Variants in ZNF740 observed in about 807,000 individuals in gnomAD.
The protein encoded by ZNF740 is oriLyt TD-element-binding protein 7.
ZNF740 carries 14 observed loss-of-function variants against 24.8 expected under a neutral mutation model. The observed-to-expected ratio is 0.56, with a 90% CI of 0.37 to 0.88. ZNF740 has a LOEUF of 0.88. Among genes scored for constraint, ZNF740 ranks in the 40% least tolerant of loss-of-function variants. The probability of loss-of-function intolerance (pLI) is 0.00; values close to 1 mark genes in which losing one functional copy is unlikely to be tolerated. For missense variants in ZNF740, 201 were observed against 247.9 expected, an observed-to-expected ratio of 0.81 and a Z score of 1.27; for synonymous variants, 69 against 84.0, an observed-to-expected ratio of 0.82 and a Z score of 0.98.
intron 2 of ZNF740, among the ~76,000 whole-genome samples, chr12:53,184,148 T>TGCAC (rs1191495650): frequency 1.0e-5 from 1 of 100,296 alleles, no homozygotes; most frequent in Admixed American, 1.0e-4. Context: ...TGTGTGTGTG[T>TGCAC]GTGCGCGCGC....
chr12:53,193,677 C>A lies in ZNF740; in HGVS notation c.*6087C>A, dbSNP rs768372566. 6.4e-7 allele frequency: 1 copy of A among 1,574,066 alleles called. No individual in the cohort carries two copies. Among genetic ancestry groups the A allele is most frequent in the Non-Finnish European group, 8.6e-7 (1 of 1,156,540 alleles). On this transcript the variant is annotated 3_prime_UTR_variant, in exon 7 of 7. Coordinates refer to ENST00000416904, the MANE Select transcript of ZNF740 (RefSeq NM_001004304.4). ...CCAGGGTTGGTTGGTTGTTGGGAGCCAGGTGGTTGAAGGGAAGAGGAGGCC... is the reference window on the plus strand; with the variant it reads ...CCAGGGTTGGTTGGTTGTTGGGAGCAAGGTGGTTGAAGGGAAGAGGAGGCC...
At position 53,187,613 on chromosome 12, in the gene ZNF740, G is replaced by T; in HGVS notation, c.*23G>T. ...TAGGCGCAAGGGGCCCCGGGTGGTG[G>T]GAGTGATCAGAAGAACCTGCCGAAG... On this transcript the variant is annotated 3_prime_UTR_variant, in exon 7 of 7. Coordinates refer to ENST00000416904, the MANE Select transcript of ZNF740 (RefSeq NM_001004304.4). 6.2e-7 allele frequency: 1 copy of T among 1,600,536 alleles called. No individual in the cohort carries two copies. The highest frequency in any genetic ancestry group is 8.6e-7 in the Non-Finnish European group (1 of 1,167,924).
intron 6 of ZNF740, 23 bp downstream of exon 6, chr12:53,186,532 T>C (rs375998564): frequency 3.7e-5 from 57 of 1,524,412 alleles, no homozygotes; most frequent in Admixed American, 2.2e-4. Context: ...CCTGCTACAA[T>C]ACCCCACACA....
intron 1 of ZNF740, chr12:53,181,473 C>T: frequency 1.0e-6 from 1 of 985,390 alleles, no homozygotes; most frequent in African/African-American, 1.7e-5. Flanking sequence ...ATAGGAGGCC[C>T]CAATTACTTT....
In ZNF740 at chr12:53,191,822, A is replaced by C. The variant is rs774732750; in HGVS notation, c.*4232A>C. ...TCAGGGCTGGTCTTGTGGTGGGGGA[A>C]CAGCTAAAAAGGGGCCTAACCAGGA... On this transcript the variant is annotated 3_prime_UTR_variant, in exon 7 of 7. Coordinates refer to ENST00000416904, the MANE Select transcript of ZNF740 (RefSeq NM_001004304.4). 6.2e-7 allele frequency: 1 copy of C among 1,612,270 alleles called. No homozygotes were observed. Among genetic ancestry groups the C allele is most frequent in the South Asian group, 1.1e-5 (1 of 91,022 alleles).
chr12:53,193,166 T>G lies in ZNF740; in HGVS notation c.*5576T>G. ...TCCGCAGAGGATGCCCTCATGTCGC[T>G]CACAGCTGGCATCGTCACACTCGCA... On this transcript the variant is annotated 3_prime_UTR_variant, in exon 7 of 7. Coordinates refer to ENST00000416904, the MANE Select transcript of ZNF740 (RefSeq NM_001004304.4). 6.2e-7 allele frequency: 1 copy of G among 1,612,952 alleles called. No homozygotes were observed. The highest frequency in any genetic ancestry group is 8.5e-7 in the Non-Finnish European group (1 of 1,179,138).
In ZNF740 at chr12:53,193,912, G is replaced by A; in HGVS notation, c.*6322G>A. The A allele has an allele frequency of 1.2e-6, 2 of 1,608,000 alleles. No homozygotes were observed. Among genetic ancestry groups the A allele is most frequent in the Non-Finnish European group, 1.7e-6 (2 of 1,176,660 alleles). On this transcript the variant is annotated 3_prime_UTR_variant, in exon 7 of 7. Coordinates refer to ENST00000416904, the MANE Select transcript of ZNF740 (RefSeq NM_001004304.4). ...AACCCAGAAAGTCACCTGAGAAGAG[G>A]CAGGAATCAGGCCATGGTTATACAC... is the stretch of plus-strand genomic sequence containing the variant.
In ZNF740 at chr12:53,181,866, G is replaced by A. The variant is rs1941657772; in HGVS notation, c.-118G>A. 3.9e-6 allele frequency: 5 copies of A among 1,290,904 alleles called. No individual in the cohort carries two copies. The South Asian group carries it at 3.9e-5, about 10-fold the overall frequency. 80.0% of individuals were successfully genotyped at this position (1,290,904 alleles called of 1,614,324 possible). ...AGTTCAATATGGCAACAGGACTGAT[G>A]GGACACGAAGGAGTCGCTACCGTGA... On this transcript the variant is annotated 5_prime_UTR_variant, in exon 2 of 7. It removes an upstream start codon present in the reference 5' UTR. Transcript: ENST00000416904.
In ZNF740 at chr12:53,191,478, A is replaced by G; in HGVS notation, c.*3888A>G. 8.6e-7 allele frequency: 1 copy of G among 1,167,864 alleles called. No individual in the cohort carries two copies. Among genetic ancestry groups the G allele is most frequent in the Non-Finnish European group, 1.3e-6 (1 of 773,870 alleles). 72.3% of individuals were successfully genotyped at this position (1,167,864 alleles called of 1,614,324 possible). On this transcript the variant is annotated 3_prime_UTR_variant, in exon 7 of 7. Coordinates refer to ENST00000416904, the MANE Select transcript of ZNF740 (RefSeq NM_001004304.4). ...AATTAGTCCCCTACCAAGGTCTTAC[A>G]GACCCACCCTTCCTCTCACCCTCCA... is the stretch of plus-strand genomic sequence containing the variant.
intron 2 of ZNF740, among the ~76,000 whole-genome samples, chr12:53,183,336 G>T (rs2121528299): frequency 6.6e-6 from 1 of 152,342 alleles, no homozygotes; most frequent in Non-Finnish European, 1.5e-5. Flanking sequence ...ACTTGCCCAA[G>T]ATTATAGAGT....
Position 53,181,539 on chromosome 12 carries a change from G to T in ZNF740, c.-307-138G>T, listed in dbSNP as rs1390580165. ...GAGACCAGTTCCTCCTATTGACCTAGAAAGAAAACTCTTCTTGACTCATGT... is the reference window on the plus strand; with the variant it reads ...GAGACCAGTTCCTCCTATTGACCTATAAAGAAAACTCTTCTTGACTCATGT... On this transcript the variant is annotated intron_variant, in intron 1 of 6. Coordinates refer to ENST00000416904, the MANE Select transcript of ZNF740 (RefSeq NM_001004304.4). 6 of 980,186 alleles carry T rather than the reference G, an allele frequency of 6.1e-6. No homozygotes were observed. In the African/African-American group the frequency reaches 1.1e-4, roughly 17 times the overall value. 60.7% of individuals were successfully genotyped at this position (980,186 alleles called of 1,614,324 possible). A position where few individuals can be genotyped will look rare whatever the true frequency, so the allele number is the denominator to read the frequency against.
At position 53,191,780 on chromosome 12, in the gene ZNF740, G is replaced by A. The variant is rs776185470; in HGVS notation, c.*4190G>A. 8.8e-6 allele frequency: 14 copies of A among 1,586,536 alleles called. No individual in the cohort carries two copies. Among genetic ancestry groups the A allele is most frequent in the Non-Finnish European group, 1.2e-5 (14 of 1,156,684 alleles). On this transcript the variant is annotated 3_prime_UTR_variant, in exon 7 of 7. Transcript: ENST00000416904. ...TGGTTACATGTGCCAGGGGCTGGGG[G>A]AACCCAGTGGGAGGAATCAGGGCTG...
At position 53,193,306 on chromosome 12, in the gene ZNF740, G is replaced by C; in HGVS notation, c.*5716G>C. On this transcript the variant is annotated 3_prime_UTR_variant, in exon 7 of 7. Transcript: ENST00000416904. Reference sequence around the variant, plus strand: ...CCCGGCACCCAGATTCCAGGTCTGGGGAGGACAGCTCTGCCACAGAGCACT... The same window carrying C: ...CCCGGCACCCAGATTCCAGGTCTGGCGAGGACAGCTCTGCCACAGAGCACT... 6.2e-7 allele frequency: 1 copy of C among 1,611,408 alleles called. No individual in the cohort carries two copies. Among genetic ancestry groups the C allele is most frequent in the East Asian group, 2.2e-5 (1 of 44,782 alleles).
At position 53,186,152 on chromosome 12, in the gene ZNF740, T is replaced by C. The variant is rs1941816690; in HGVS notation, c.373+75T>C. The C allele has an allele frequency of 3.2e-6, 5 of 1,542,348 alleles. No individual in the cohort carries two copies. The Admixed American group carries it at 7.7e-5, about 24-fold the overall frequency. ...ATTCCATGTCTGTTTGTGGCTCTAG[T>C]TGGGTTTATTTTAATGGGTAAGTAT... On this transcript the variant is annotated intron_variant, in intron 5 of 6. Coordinates refer to ENST00000416904, the MANE Select transcript of ZNF740 (RefSeq NM_001004304.4).
In ZNF740 at chr12:53,192,275, A is replaced by G; in HGVS notation, c.*4685A>G. ...CATTATCTTCACTCTGCATCCCCAG[A>G]GTTGAGACCCTGCCCATCAAACTTC... On this transcript the variant is annotated 3_prime_UTR_variant, in exon 7 of 7. Coordinates refer to ENST00000416904, the MANE Select transcript of ZNF740 (RefSeq NM_001004304.4). 1 of 1,553,048 alleles carries G rather than the reference A, an allele frequency of 6.4e-7. No individual in the cohort carries two copies.
At position 53,193,972 on chromosome 12, in the gene ZNF740, C is replaced by T. The variant is rs1441974984; in HGVS notation, c.*6382C>T. On this transcript the variant is annotated 3_prime_UTR_variant, in exon 7 of 7. Coordinates refer to ENST00000416904, the MANE Select transcript of ZNF740 (RefSeq NM_001004304.4). ...CACATACCCCAAACTCACCAATCAT[C>T]CAGAACCTCACCCCTTAGTAAATGA... 1 of 1,438,954 alleles carries T rather than the reference C, an allele frequency of 6.9e-7. No homozygotes were observed. The highest frequency in any genetic ancestry group is 2.0e-5 in the Admixed American group (1 of 50,700). 89.1% of individuals were successfully genotyped at this position (1,438,954 alleles called of 1,614,324 possible). A position where few individuals can be genotyped will look rare whatever the true frequency, so the allele number is the denominator to read the frequency against.
At chr12:53,185,626 C>T (rs1384004979) in intron 4 of ZNF740, 150 bp downstream of exon 4, 1 of 760,562 alleles carries the variant, frequency 1.3e-6, no homozygotes, top group Non-Finnish European at 2.1e-6. Context: ...CATCCAGAGA[C>T]TACCTTGGTA....
At chr12:53,184,148 TGTGC>T (rs1234647713) in intron 2 of ZNF740, among the ~76,000 whole-genome samples, 64 of 100,390 alleles carry the variant, frequency 6.4e-4, no homozygotes, top group Admixed American at 1.6e-3. Flanking sequence ...TGTGTGTGTG[TGTGC>T]GCGCGCGCGC....
chr12:53,188,051 TAG>T lies in ZNF740; in HGVS notation c.*462_*463del, dbSNP rs1192925480. On this transcript the variant is annotated 3_prime_UTR_variant, in exon 7 of 7. Transcript: ENST00000416904. ...GAGGCATAAGAGTCCTGGTCCAAAG[TAG>T]GGACTATAGCTGGTCCAGCTCTCCC... The T allele has an allele frequency of 5.8e-6, 1 of 171,256 alleles. No homozygotes were observed. The highest frequency in any genetic ancestry group is 1.3e-5 in the Non-Finnish European group (1 of 78,144). The allele number at this position is 171,256 out of a possible 1,614,324, so 10.6% of individuals were successfully genotyped here. A position where few individuals can be genotyped will look rare whatever the true frequency, so the allele number is the denominator to read the frequency against.
Sources: allele counts gnomAD v4.1 joint callset (sites outside exome capture counted in the v4.1 genomes callset), GRCh38; gene constraint gnomAD v4.1.1; transcripts MANE v1.5; gene names NCBI Gene and HGNC (gene_info 2026-07-23, HGNC 2026-07-21).